TMEM163: variants seen among roughly 807,000 people sequenced by gnomAD.
TMEM163 encodes transmembrane protein 163.
In TMEM163, 17 loss-of-function variants were observed where a neutral mutation model predicts 29.3. The ratio of observed to expected loss-of-function variants is 0.58; its 90% confidence interval spans 0.40 to 0.87. TMEM163 has a LOEUF of 0.87. Ranked by LOEUF, TMEM163 falls within the 40% of genes least tolerant of loss-of-function variation. The probability of loss-of-function intolerance (pLI) is 0.00; values close to 1 mark genes in which losing one functional copy is unlikely to be tolerated. For synonymous variants in TMEM163, 157 were observed against 160.6 expected, an observed-to-expected ratio of 0.98 and a Z score of 0.17; for missense variants, 303 against 381.5, an observed-to-expected ratio of 0.79 and a Z score of 1.71.
intron 2 of TMEM163, among the ~76,000 whole-genome samples, chr2:134,684,161 GAACA>G (rs1684306632): frequency 6.6e-6 from 1 of 152,168 alleles, no homozygotes; most frequent in Non-Finnish European, 1.5e-5. Flanking sequence ...CAAGGTCACA[GAACA>G]AACAAACAGC....
chr2:134,717,416 T>C (rs916711101), intron 1 of TMEM163, among the ~76,000 whole-genome samples: 1 of 152,218 alleles, frequency 6.6e-6, no homozygotes, highest in Non-Finnish European at 1.5e-5. Context: ...CAGAATTCGT[T>C]GCCACTGGAG....
rs373282805 is a variant in TMEM163, at chr2:134,505,239, C to CCTTTTTTTT, written c.459-2243_459-2242insAAAAAAAAG. On this transcript the variant is annotated intron_variant, in intron 4 of 7. Coordinates refer to ENST00000281924, the MANE Select transcript of TMEM163 (RefSeq NM_030923.5). The stretch of plus-strand genomic sequence containing the variant: ...CACATTGTACTCACCTGGGGAATTC[C>CCTTTTTTTT]TTTTTTTTTTTTTTTTTTTTTTAAA... 2.3e-5 allele frequency among the ~76,000 whole-genome samples: 3 copies of CCTTTTTTTT among 130,234 alleles called. 1 individual carries two copies. Among genetic ancestry groups the CCTTTTTTTT allele is most frequent in the African/African-American group, 3.0e-5 (1 of 33,252 alleles). The allele number at this position is 130,234 out of a possible 152,430, so 85.4% of individuals were successfully genotyped here.
chr2:134,610,711 T>C (rs1050016628), intron 2 of TMEM163, among the ~76,000 whole-genome samples: 25 of 152,170 alleles, frequency 1.6e-4, no homozygotes, highest in African/African-American at 6.0e-4. Flanking sequence ...TGCCTGGGTC[T>C]CACTTTCAGA....
intron 4 of TMEM163, among the ~76,000 whole-genome samples, chr2:134,516,738 T>C (rs1040526020): frequency 6.8e-6 from 1 of 147,148 alleles, no homozygotes; most frequent in Non-Finnish European, 1.5e-5. Flanking sequence ...TATGCATATA[T>C]ATGCATATAT....
intron 5 of TMEM163, among the ~76,000 whole-genome samples, chr2:134,484,550 T>C (rs552729621): frequency 6.6e-6 from 1 of 152,302 alleles, no homozygotes; most frequent in Admixed American, 6.5e-5. Context: ...GGCATGTGCC[T>C]GTAGTCCCAG....
chr2:134,577,787 A>G (rs1485412878), intron 2 of TMEM163, among the ~76,000 whole-genome samples: 5 of 151,636 alleles, frequency 3.3e-5, no homozygotes, highest in Admixed American at 3.3e-4. Flanking sequence ...TGTGGATTCA[A>G]TCAACCATAG....
chr2:134,538,860 G>A (rs556888768), intron 4 of TMEM163, among the ~76,000 whole-genome samples: 1 of 152,284 alleles, frequency 6.6e-6, no homozygotes, highest in Admixed American at 6.5e-5. Context: ...GGTGGTGAAG[G>A]CTACAGGGAT....
chr2:134,626,539 C>G (rs770163214), intron 2 of TMEM163, among the ~76,000 whole-genome samples: 1 of 152,160 alleles, frequency 6.6e-6, no homozygotes, highest in Non-Finnish European at 1.5e-5. Flanking sequence ...ATTGTGGTTG[C>G]GTTGGGCCCA....
intron 4 of TMEM163, among the ~76,000 whole-genome samples, chr2:134,505,500 G>C (rs967436148): frequency 6.6e-6 from 1 of 152,028 alleles, no homozygotes; most frequent in African/African-American, 2.4e-5. Flanking sequence ...AGGAAGGAAG[G>C]GGGTCTCGTG....
At chr2:134,556,466 T>C (rs1272078870) in intron 2 of TMEM163, among the ~76,000 whole-genome samples, 4 of 152,270 alleles carry the variant, frequency 2.6e-5, no homozygotes, top group East Asian at 3.9e-4. Flanking sequence ...AGGGTGATGA[T>C]TGAGGTATGA....
intron 2 of TMEM163, among the ~76,000 whole-genome samples, chr2:134,605,429 C>G (rs1327427354): frequency 6.6e-6 from 1 of 151,958 alleles, no homozygotes; most frequent in Non-Finnish European, 1.5e-5. Context: ...TTGGGCCAGG[C>G]AGGGTAGCCT....
At chr2:134,508,957 C>T (rs1050677262) in intron 4 of TMEM163, among the ~76,000 whole-genome samples, 1 of 152,212 alleles carries the variant, frequency 6.6e-6, no homozygotes, top group African/African-American at 2.4e-5. Context: ...ATTAAAACCT[C>T]TCCTTCCTCA....
chr2:134,672,398 G>T (rs1684014309), intron 2 of TMEM163, among the ~76,000 whole-genome samples: 1 of 152,062 alleles, frequency 6.6e-6, no homozygotes, highest in Non-Finnish European at 1.5e-5. Flanking sequence ...AAAATTGGAG[G>T]CAGACCAACA....
chr2:134,683,066 C>G (rs557857586), intron 2 of TMEM163, among the ~76,000 whole-genome samples: 1 of 152,026 alleles, frequency 6.6e-6, no homozygotes, highest in South Asian at 2.1e-4. Context: ...CTGGAAAAGA[C>G]AAAACTATAG....
At chr2:134,575,092 T>C (rs1017092583) in intron 2 of TMEM163, among the ~76,000 whole-genome samples, 2 of 151,642 alleles carry the variant, frequency 1.3e-5, no homozygotes, top group Admixed American at 6.6e-5. Flanking sequence ...GCATGCAAAA[T>C]GGGAGGCCAG....
chr2:134,473,716 G>C (rs1258088957), intron 5 of TMEM163, among the ~76,000 whole-genome samples: 1 of 152,242 alleles, frequency 6.6e-6, no homozygotes, highest in East Asian at 1.9e-4. Flanking sequence ...CATCACTACA[G>C]ATCCAACAGG....
intron 2 of TMEM163, among the ~76,000 whole-genome samples, chr2:134,602,554 C>A (rs1435133982): frequency 6.6e-6 from 1 of 152,146 alleles, no homozygotes; most frequent in Admixed American, 6.5e-5. Context: ...GCTGTCAAAG[C>A]AGGTAGCCTG....
At chr2:134,656,269 G>A (rs1387692161) in intron 2 of TMEM163, among the ~76,000 whole-genome samples, 5 of 150,936 alleles carry the variant, frequency 3.3e-5, no homozygotes, top group East Asian at 3.9e-4. Flanking sequence ...TTTTTAAGCC[G>A]GTCTGAAAAG....
chr2:134,465,227 T>C (rs1050735778), intron 6 of TMEM163, among the ~76,000 whole-genome samples: 11 of 128,182 alleles, frequency 8.6e-5, no homozygotes, highest in African/African-American at 4.4e-4. Context: ...AAAATATATA[T>C]ATATACACAC....
Sources: gnomAD v4.1 joint callset for allele counts (sites outside exome capture counted in the v4.1 genomes callset) on GRCh38, gnomAD v4.1.1 for gene constraint, MANE v1.5 for transcripts, NCBI Gene and HGNC (gene_info 2026-07-23, HGNC 2026-07-21) for gene names.